Variants in FECH observed in about 807,000 individuals in gnomAD.
The protein encoded by FECH is ferrochelatase.
FECH carries 40 observed loss-of-function variants against 56.9 expected under a neutral mutation model. The ratio of observed to expected loss-of-function variants is 0.70; its 90% CI spans 0.55 to 0.92. FECH has a LOEUF of 0.92. Among genes scored for constraint, FECH ranks in the 40% least tolerant of loss-of-function variants. The pLI is 0.00. For synonymous variants in FECH, 175 were observed against 198.6 expected, an observed-to-expected ratio of 0.88 and a Z score of 1.00; for missense variants, 431 against 529.1, an observed-to-expected ratio of 0.81 and a Z score of 1.82.
At chr18:57,571,589 CCT>C (rs1245311805) in intron 3 of FECH, 49 bp from the exon 4 acceptor site, 4 of 1,613,848 alleles carry the variant, frequency 2.5e-6, no homozygotes, top group Non-Finnish European at 3.4e-6. Flanking sequence ...AGCTTAGCAA[CCT>C]GAGAAATGTT....
rs2051018906 is a variant in FECH, at chr18:57,566,525, T to C, written c.520A>G (p.Ile174Val). Residue 174 changes from isoleucine to valine, a missense_variant, in exon 5 of 11, where the codon ATT (isoleucine) becomes GTT (valine). Ile to Val is a conservative substitution (Grantham distance 29). Coordinates refer to ENST00000262093, the MANE Select transcript of FECH (RefSeq NM_000140.5). ...AGGCCATCTCTCTCCATCTCTTCAA[T>C]TGCTTCTTCTGTTAAAGGATGGACG... ...RYVHPLTEEA[I>V]EEMERDGLER... 1.9e-6 allele frequency: 3 copies of C among 1,614,024 alleles called. No homozygotes were observed. The highest frequency in any genetic ancestry group is 1.3e-5 in the African/African-American group (1 of 74,924).
intron 9 of FECH, 69 bp from the exon 10 acceptor site, chr18:57,551,443 T>A: frequency 1.6e-6 from 2 of 1,245,976 alleles, no homozygotes; most frequent in South Asian, 2.5e-5. Context: ...TCAAAGAAAC[T>A]GCTACAAAAA....
chr18:57,564,369 G>A (rs1007741347), intron 5 of FECH, among the ~76,000 whole-genome samples: 1 of 152,208 alleles, frequency 6.6e-6, no homozygotes. Flanking sequence ...TCAACCCAAT[G>A]TAACTTTTTC....
chr18:57,584,174 G>C (rs551654583), intron 1 of FECH, among the ~76,000 whole-genome samples: 6 of 38,078 alleles, frequency 1.6e-4, no homozygotes, highest in African/African-American at 5.6e-4. Flanking sequence ...GCGAGACTCC[G>C]TCTCAAAAAA....
At chr18:57,571,361 C>CTGT in intron 4 of FECH, 31 bp downstream of exon 4, 1 of 1,608,012 alleles carries the variant, frequency 6.2e-7, no homozygotes, top group Non-Finnish European at 8.5e-7. Context: ...AAGAACTAAT[C>CTGT]TAGTTACATG....
At chr18:57,582,106 A>C (rs1431409322) in intron 1 of FECH, among the ~76,000 whole-genome samples, 1 of 152,150 alleles carries the variant, frequency 6.6e-6, no homozygotes, top group Non-Finnish European at 1.5e-5. Context: ...CCAGGTTCCT[A>C]ATCATGCTGC....
chr18:57,586,524 C>A, intron 1 of FECH, 30 bp downstream of exon 1: 1 of 1,519,148 alleles, frequency 6.6e-7, no homozygotes, highest in Non-Finnish European at 8.8e-7. Flanking sequence ...GGATCCTGGC[C>A]CTGGCGGCCG....
At chr18:57,575,822 T>C (rs2051177812) in intron 2 of FECH, among the ~76,000 whole-genome samples, 1 of 152,208 alleles carries the variant, frequency 6.6e-6, no homozygotes, top group South Asian at 2.1e-4. Flanking sequence ...AGGTAGAAAC[T>C]GTTTTCTTGA....
At chr18:57,563,899 A>G (rs1468126026) in intron 5 of FECH, among the ~76,000 whole-genome samples, 1 of 152,122 alleles carries the variant, frequency 6.6e-6, no homozygotes, top group African/African-American at 2.4e-5. Flanking sequence ...TGTTTGTGAG[A>G]TGGAGTTTTG....
rs1384644394 is a variant in FECH, at chr18:57,586,542, A to G, written c.67+12T>C. ...TCCTGGCCCTGGCGGCCGCCGCGAC[A>G]GACCCACTTACGCGGATCGCGGAGC... is the stretch of plus-strand genomic sequence containing the variant. On this transcript the variant is annotated intron_variant, in intron 1 of 10. Transcript: ENST00000262093. 2 of 1,520,982 alleles carry G rather than the reference A, an allele frequency of 1.3e-6. No homozygotes were observed. Among genetic ancestry groups the G allele is most frequent in the Admixed American group, 4.0e-5 (2 of 50,158 alleles). The allele number at this position is 1,520,982 out of a possible 1,614,324, so 94.2% of individuals were successfully genotyped here.
intron 1 of FECH, among the ~76,000 whole-genome samples, chr18:57,580,494 C>G (rs2051262147): frequency 6.6e-6 from 1 of 152,154 alleles, no homozygotes; most frequent in African/African-American, 2.4e-5. Flanking sequence ...CTCACAAGAA[C>G]CCCTGCACGA....
chr18:57,568,209 G>A (rs923966061), intron 4 of FECH, among the ~76,000 whole-genome samples: 5 of 152,152 alleles, frequency 3.3e-5, no homozygotes, highest in Non-Finnish European at 7.3e-5. Context: ...AGGTCAACCG[G>A]CTTCTCGCAT....
intron 7 of FECH, 124 bp from the exon 8 acceptor site, chr18:57,555,076 T>C (rs1568143611): frequency 2.6e-6 from 2 of 760,106 alleles, no homozygotes; most frequent in Non-Finnish European, 4.6e-6. Context: ...CCTGCACCAA[T>C]GATGATATGG....
intron 10 of FECH, 115 bp from the exon 11 acceptor site, chr18:57,550,961 G>C: frequency 7.2e-7 from 1 of 1,387,036 alleles, no homozygotes; most frequent in Non-Finnish European, 1.0e-6. Flanking sequence ...CTTTTCATCC[G>C]AGTGGTGAGC....
At position 57,548,531 on chromosome 18, in the gene FECH, T is replaced by C. The variant is rs1471881192; in HGVS notation, c.*2181A>G. On this transcript the variant is annotated 3_prime_UTR_variant, in exon 11 of 11. Transcript: ENST00000262093. ...AGCTGAAGAAACTGCCAGCAGTTCATTGCTAATTACCAGGGCAAACATTTG... is the reference window on the plus strand; with the variant it reads ...AGCTGAAGAAACTGCCAGCAGTTCACTGCTAATTACCAGGGCAAACATTTG... 1 of 152,230 alleles carries C rather than the reference T, an allele frequency of 6.6e-6. No homozygotes were observed. The highest frequency in any genetic ancestry group is 2.4e-5 in the African/African-American group (1 of 41,462). 9.4% of individuals were successfully genotyped at this position (152,230 alleles called of 1,614,324 possible).
At chr18:57,585,356 A>G (rs1224781458) in intron 1 of FECH, among the ~76,000 whole-genome samples, 2 of 152,196 alleles carry the variant, frequency 1.3e-5, no homozygotes, top group African/African-American at 4.8e-5. Context: ...GAATCTTTCC[A>G]CTTTTAACCT....
Position 57,546,931 on chromosome 18 carries a change from G to C in FECH, c.*3781C>G, listed in dbSNP as rs2050728208. On this transcript the variant is annotated 3_prime_UTR_variant, in exon 11 of 11. Transcript: ENST00000262093. ...GCCGAGATCGTGCCACTGTACTCCA[G>C]CTTGGGCAACAGAGCGAGACTCCAT... Among the ~76,000 whole-genome samples the C allele has an allele frequency of 6.7e-6, 1 of 148,912 alleles. No homozygotes were observed. Among genetic ancestry groups the C allele is most frequent in the African/African-American group, 2.5e-5 (1 of 40,136 alleles).
rs1568140912 is a variant in FECH, at chr18:57,549,913, C to G, written c.*799G>C. The G allele has an allele frequency of 6.6e-6, 1 of 152,168 alleles. No individual in the cohort carries two copies. Among genetic ancestry groups the G allele is most frequent in the Non-Finnish European group, 1.5e-5 (1 of 68,026 alleles). The allele number at this position is 152,168 out of a possible 1,614,324, so 9.4% of individuals were successfully genotyped here. On this transcript the variant is annotated 3_prime_UTR_variant, in exon 11 of 11. Coordinates refer to ENST00000262093, the MANE Select transcript of FECH (RefSeq NM_000140.5). The stretch of plus-strand genomic sequence containing the variant: ...GGCTTGCAAGGTCCCGGGAGGAGCT[C>G]CAGGGTGAAGCTCATCACTAGCCTT...
chr18:57,572,329 G>A (rs143958507), intron 3 of FECH, among the ~76,000 whole-genome samples: 12 of 151,858 alleles, frequency 7.9e-5, no homozygotes, highest in East Asian at 1.9e-4. Flanking sequence ...ACCAAACACC[G>A]CATGTTCTCA....
Sources: allele counts gnomAD v4.1 joint callset (sites outside exome capture counted in the v4.1 genomes callset), GRCh38; gene constraint gnomAD v4.1.1; transcripts MANE v1.5; gene names NCBI Gene and HGNC (gene_info 2026-07-23, HGNC 2026-07-21).